The following LMF1 variants were observed in gnomAD, a reference collection of about 807,000 sequenced individuals.
The protein encoded by LMF1 is transmembrane protein 112.
A neutral mutation model predicts 60.6 loss-of-function variants in LMF1; 68 were observed. The ratio of observed to expected loss-of-function variants is 1.12; its 90% CI spans 0.92 to 1.37. The LOEUF is 1.37. LMF1 is among the 40% of genes most tolerant of loss of function. The pLI is 0.00. For missense variants in LMF1, 948 were observed against 767.2 expected, an observed-to-expected ratio of 1.24 and a Z score of -2.78; for synonymous variants, 418 against 324.7, an observed-to-expected ratio of 1.29 and a Z score of -3.09.
chr16:966,447 G>A (rs531679567), intron 1 of LMF1, among the ~76,000 whole-genome samples: 8 of 152,330 alleles, frequency 5.3e-5, no homozygotes, highest in African/African-American at 1.7e-4. Context: ...TCTCTGCGCC[G>A]ACGCCATGGC....
chr16:907,342 A>G (rs897492079), intron 4 of LMF1, among the ~76,000 whole-genome samples: 1 of 152,052 alleles, frequency 6.6e-6, no homozygotes, highest in Non-Finnish European at 1.5e-5. Flanking sequence ...CAGAGCTTGC[A>G]GTGAGCCGAG....
chr16:873,614 TGCCTGTTCGCGGGGACCCTCC>T (rs1567161907), intron 6 of LMF1: 5 of 39,544 alleles, frequency 1.3e-4, no homozygotes, highest in East Asian at 8.2e-4. Context: ...GCCGAGGACA[TGCCTGTTCGCGGGGACCCTCC>T]GCCGAGGACA....
Position 954,317 on chromosome 16 carries a change from G to A in LMF1, c.503+40C>T, listed in dbSNP as rs777679105. Reference sequence around the variant, plus strand: ...CCTGCAGTGCCTGTGCTGAGTGACAGCAAGCCCTAAGCTCCGACCGCCCCA... The same window carrying A: ...CCTGCAGTGCCTGTGCTGAGTGACAACAAGCCCTAAGCTCCGACCGCCCCA... On this transcript the variant is annotated intron_variant, in intron 2 of 10. Coordinates refer to ENST00000262301, the MANE Select transcript of LMF1 (RefSeq NM_022773.4). 9 of 1,588,162 alleles carry A rather than the reference G, an allele frequency of 5.7e-6. No homozygotes were observed. The South Asian group carries it at 9.1e-5, about 16-fold the overall frequency.
At chr16:889,493 G>A (rs888149963) in intron 5 of LMF1, among the ~76,000 whole-genome samples, 4 of 152,110 alleles carry the variant, frequency 2.6e-5, no homozygotes, top group African/African-American at 7.2e-5. Flanking sequence ...CCCGAGGGAG[G>A]CATCCCCGGG....
At chr16:960,318 A>T (rs11866085) in intron 1 of LMF1, among the ~76,000 whole-genome samples, 14 of 137,938 alleles carry the variant, frequency 1.0e-4, no homozygotes, top group Admixed American at 6.4e-4. Flanking sequence ...ACTGGATCAC[A>T]ACCCAGACAC....
intron 2 of LMF1, among the ~76,000 whole-genome samples, chr16:946,948 G>A (rs12929414): frequency 0.25 from 38,402 of 152,192 alleles, 5,824 homozygotes; most frequent in African/African-American, 0.4. Flanking sequence ...CACCTGCCAG[G>A]CTCTGGAGAC....
chr16:976,315 T>C (rs1004524014), intron 1 of LMF1: 7 of 453,454 alleles, frequency 1.5e-5, no homozygotes, highest in Non-Finnish European at 3.1e-5. Context: ...TGGGGTTCAG[T>C]GGAGCAATGA....
intron 7 of LMF1, 121 bp downstream of exon 7, chr16:871,040 T>G: frequency 7.2e-7 from 1 of 1,398,404 alleles, no homozygotes; most frequent in Non-Finnish European, 9.5e-7. Flanking sequence ...CACGCTACAC[T>G]GCGGACGGCG....
At chr16:913,619 C>T (rs2071184598) in intron 3 of LMF1, among the ~76,000 whole-genome samples, 2 of 152,262 alleles carry the variant, frequency 1.3e-5, no homozygotes, top group Admixed American at 6.5e-5. Context: ...TGCAGATCCA[C>T]AGCCAGGCTG....
intron 2 of LMF1, among the ~76,000 whole-genome samples, chr16:952,305 G>A (rs377150592): frequency 1.7e-5 from 2 of 120,464 alleles, no homozygotes; most frequent in African/African-American, 4.0e-5. Context: ...CCACAAAGTG[G>A]GGACCCCCCC....
At position 907,673 on chromosome 16, in the gene LMF1, C is replaced by T. The variant is rs117007141; in HGVS notation, c.663+3258G>A. ...TGCGGCGCTGGTTGTGACCCAAGTG[C>T]GCGAGCGGGGGAAGGGGTGTGCGTG... On this transcript the variant is annotated intron_variant, in intron 4 of 10. Transcript: ENST00000262301. Among the ~76,000 whole-genome samples, 101 of 152,226 alleles carry T rather than the reference C, an allele frequency of 6.6e-4. No individual in the cohort carries two copies. The East Asian group carries it at 0.016, about 24-fold the overall frequency.
At chr16:861,038 C>T (rs542033453) in intron 10 of LMF1, among the ~76,000 whole-genome samples, 1 of 151,938 alleles carries the variant, frequency 6.6e-6, no homozygotes, top group Non-Finnish European at 1.5e-5. Context: ...ATAGGAATTG[C>T]ATTAAACCTG....
chr16:981,341 AGAGAGAGTGTGTGT>A (rs747160995), upstream of LMF1: 251 of 275,646 alleles, frequency 9.1e-4, no homozygotes, highest in Admixed American at 1.1e-3. Flanking sequence ...AGAGAGAGAG[AGAGAGAGTGTGTGT>A]GTGTGTGTGT....
chr16:907,650 C>T (rs7201545), intron 4 of LMF1, among the ~76,000 whole-genome samples: 9,440 of 152,140 alleles, frequency 0.062, 329 homozygotes, highest in Non-Finnish European at 0.082. Flanking sequence ...GCTGACGGTG[C>T]GGCGCTGGTT....
At chr16:861,488 G>A (rs1398725591) in intron 10 of LMF1, among the ~76,000 whole-genome samples, 3 of 150,972 alleles carry the variant, frequency 2.0e-5, no homozygotes, top group African/African-American at 7.3e-5. Flanking sequence ...CTCCTGAGTA[G>A]CTGGGATTAC....
At position 897,305 on chromosome 16, in the gene LMF1, C is replaced by T. The variant is rs552979433; in HGVS notation, c.664-4233G>A. On this transcript the variant is annotated intron_variant, in intron 4 of 10. Coordinates refer to ENST00000262301, the MANE Select transcript of LMF1 (RefSeq NM_022773.4). The surrounding 1 kb of genome is among the most constrained non-coding windows in gnomAD (Gnocchi z 4.3). ...TGGCCCCCAGAGGCCGCCATCCACCCTGCAGCGACAGCCCCCTGTGTACCC... is the reference window on the plus strand; with the variant it reads ...TGGCCCCCAGAGGCCGCCATCCACCTTGCAGCGACAGCCCCCTGTGTACCC... Among the ~76,000 whole-genome samples the T allele has an allele frequency of 6.6e-6, 1 of 152,236 alleles. No individual in the cohort carries two copies.
intron 2 of LMF1, among the ~76,000 whole-genome samples, chr16:951,007 A>G (rs2072445743): frequency 6.6e-6 from 1 of 150,524 alleles, no homozygotes; most frequent in Non-Finnish European, 1.5e-5. Context: ...TCAGCCAATG[A>G]CAGAGTCAGC....
At chr16:977,669 G>T (rs965851452) in intron 1 of LMF1, among the ~76,000 whole-genome samples, 1 of 150,464 alleles carries the variant, frequency 6.6e-6, no homozygotes, top group African/African-American at 2.5e-5. Context: ...GAGGAGGGCC[G>T]GGTTGGGGGT....
At chr16:867,878 C>T (rs567055390) in intron 10 of LMF1, among the ~76,000 whole-genome samples, 1 of 152,304 alleles carries the variant, frequency 6.6e-6, no homozygotes, top group Non-Finnish European at 1.5e-5. Context: ...TGCTCCACTG[C>T]CTCTGTGGAC....
Sources: gnomAD v4.1 joint callset for allele counts (sites outside exome capture counted in the v4.1 genomes callset) on GRCh38, gnomAD v4.1.1 for gene constraint, Gnocchi (gnomAD v3.1) non-coding constraint, MANE v1.5 for transcripts, NCBI Gene and HGNC (gene_info 2026-07-23, HGNC 2026-07-21) for gene names.